DCLK1: variants seen among roughly 807,000 people sequenced by gnomAD.
The protein encoded by DCLK1 is doublecortin like kinase 1.
Under a neutral mutation model 86.2 loss-of-function variants are expected in DCLK1, and 16 were observed. The observed-to-expected ratio is 0.19, with a 90% confidence interval of 0.13 to 0.28. The LOEUF (loss-of-function observed/expected upper bound fraction) is 0.28. Ranked by LOEUF, DCLK1 falls within the 10% of genes least tolerant of loss-of-function variation. The probability of loss-of-function intolerance (pLI) is 1.00; values close to 1 mark genes in which losing one functional copy is unlikely to be tolerated. For synonymous variants in DCLK1, 369 were observed against 370.5 expected (o/e 1.00, Z 0.05); for missense variants, 590 against 940.2 (o/e 0.63, Z 4.87).
intron 4 of DCLK1, among the ~76,000 whole-genome samples, chr13:35,929,851 A>T (rs903835243): frequency 5.0e-5 from 6 of 121,002 alleles, no homozygotes; most frequent in Admixed American, 2.1e-4. Context: ...CACCCACACA[A>T]TCATTTTTTT....
intron 3 of DCLK1, among the ~76,000 whole-genome samples, chr13:36,007,572 G>A (rs1317943958): frequency 6.6e-6 from 1 of 152,112 alleles, no homozygotes; most frequent in Middle Eastern, 3.2e-3. Flanking sequence ...CAACAAACAG[G>A]AAGGCAGATG....
chr13:35,990,764 A>G (rs1004197329), intron 3 of DCLK1, among the ~76,000 whole-genome samples: 1 of 148,770 alleles, frequency 6.7e-6, no homozygotes, highest in African/African-American at 2.5e-5. Context: ...AAATGTTACT[A>G]TTTTTGTTGG....
chr13:36,002,651 G>A (rs1170323822), intron 3 of DCLK1, among the ~76,000 whole-genome samples: 3 of 152,064 alleles, frequency 2.0e-5, no homozygotes, highest in Non-Finnish European at 2.9e-5. Flanking sequence ...AAATATTGAG[G>A]CCAGTAGGAA....
At chr13:35,999,616 G>A (rs1411784638) in intron 3 of DCLK1, among the ~76,000 whole-genome samples, 2 of 152,144 alleles carry the variant, frequency 1.3e-5, no homozygotes, top group East Asian at 1.9e-4. Flanking sequence ...TTCTCCTGAG[G>A]CCTCCGACTT....
chr13:35,919,670 GT>G (rs1197995283), intron 4 of DCLK1, among the ~76,000 whole-genome samples: 1 of 152,046 alleles, frequency 6.6e-6, no homozygotes, highest in Non-Finnish European at 1.5e-5. Flanking sequence ...ACAATTAAAA[GT>G]TTACCTTGGC....
At chr13:35,893,178 C>A (rs1418987) in intron 4 of DCLK1, among the ~76,000 whole-genome samples, 2 of 152,014 alleles carry the variant, frequency 1.3e-5, no homozygotes, top group African/African-American at 4.8e-5. Context: ...AGGTTCTGAA[C>A]TACTGGGTTC....
chr13:35,947,684 C>T (rs964991116), intron 3 of DCLK1, among the ~76,000 whole-genome samples: 1 of 152,188 alleles, frequency 6.6e-6, no homozygotes, highest in African/African-American at 2.4e-5. Context: ...GAACCAGTAA[C>T]TGTCACATTT....
intron 3 of DCLK1, among the ~76,000 whole-genome samples, chr13:35,987,837 T>C (rs554746046): frequency 2.6e-5 from 4 of 152,232 alleles, no homozygotes; most frequent in African/African-American, 9.6e-5. Context: ...AAGCTTACAG[T>C]GTGAAGAGGT....
At chr13:36,067,834 C>G (rs1231540836) in intron 3 of DCLK1, among the ~76,000 whole-genome samples, 2 of 152,148 alleles carry the variant, frequency 1.3e-5, no homozygotes, top group East Asian at 3.9e-4. Context: ...CTGCAACACC[C>G]TCCAAAATCA....
At chr13:36,029,176 T>C (rs1160731675) in intron 3 of DCLK1, among the ~76,000 whole-genome samples, 1 of 152,180 alleles carries the variant, frequency 6.6e-6, no homozygotes, top group Non-Finnish European at 1.5e-5. Context: ...TCGGGACTCT[T>C]TCCGGTAACA....
intron 3 of DCLK1, among the ~76,000 whole-genome samples, chr13:36,031,798 C>T (rs928277946): frequency 1.1e-4 from 17 of 152,144 alleles, no homozygotes; most frequent in Admixed American, 6.5e-5. Context: ...GTCATGTCAG[C>T]GCAGGAGGAA....
chr13:35,809,387 T>C (rs984054020), intron 12 of DCLK1, among the ~76,000 whole-genome samples: 6 of 152,350 alleles, frequency 3.9e-5, no homozygotes, highest in African/African-American at 1.2e-4. Flanking sequence ...AGGTTTATTA[T>C]AGTAATAACA....
chr13:35,865,589 G>A (rs1871729706), intron 5 of DCLK1, among the ~76,000 whole-genome samples: 1 of 152,204 alleles, frequency 6.6e-6, no homozygotes, highest in South Asian at 2.1e-4. Flanking sequence ...CATGTTATCT[G>A]TGAGGCCTTG....
chr13:36,083,670 C>T (rs1884496841), intron 3 of DCLK1, among the ~76,000 whole-genome samples: 1 of 152,114 alleles, frequency 6.6e-6, no homozygotes, highest in Non-Finnish European at 1.5e-5. Context: ...AGGAATTCCT[C>T]CAGGAACAAT....
intron 3 of DCLK1, among the ~76,000 whole-genome samples, chr13:36,036,029 G>T (rs1882474972): frequency 1.3e-5 from 2 of 152,068 alleles, no homozygotes; most frequent in Non-Finnish European, 2.9e-5. Context: ...CCAAATTGAG[G>T]ACTAGCTAAA....
intron 3 of DCLK1, among the ~76,000 whole-genome samples, chr13:36,013,568 G>C (rs1881387363): frequency 6.6e-6 from 1 of 152,170 alleles, no homozygotes; most frequent in Non-Finnish European, 1.5e-5. Context: ...ACCCACTTGA[G>C]GAAGCAGTCT....
chr13:36,126,218 T>TA lies in DCLK1; in HGVS notation c.-19-63_-19-62insT, dbSNP rs1491132340. Reference sequence around the variant, plus strand: ...GATGTAGGTTATATATATATATATATTTTTTTGTTTTTGTTTTTTTTATGT... The same window carrying TA: ...GATGTAGGTTATATATATATATATATATTTTTTGTTTTTGTTTTTTTTATGT... On this transcript the variant is annotated intron_variant, in intron 1 of 16. Coordinates refer to ENST00000360631, the MANE Select transcript of DCLK1 (RefSeq NM_001330071.2). 70 of 1,201,446 alleles carry TA rather than the reference T, an allele frequency of 5.8e-5. No homozygotes were observed. In the African/African-American group the frequency reaches 6.3e-4, roughly 11 times the overall value. The allele number at this position is 1,201,446 out of a possible 1,614,324, so 74.4% of individuals were successfully genotyped here.
intron 5 of DCLK1, among the ~76,000 whole-genome samples, chr13:35,862,572 C>T (rs929625029): frequency 1.3e-5 from 2 of 152,184 alleles, no homozygotes; most frequent in Admixed American, 6.5e-5. Context: ...TCCCCTTTCA[C>T]TTCATAATAC....
intron 3 of DCLK1, among the ~76,000 whole-genome samples, chr13:36,037,906 A>G (rs1281690193): frequency 6.6e-6 from 1 of 152,204 alleles, no homozygotes; most frequent in African/African-American, 2.4e-5. Flanking sequence ...TACTGTAAAA[A>G]AAGAACTTCC....
Sources: gnomAD v4.1 joint callset for allele counts (sites outside exome capture counted in the v4.1 genomes callset) on GRCh38, gnomAD v4.1.1 for gene constraint, MANE v1.5 for transcripts, NCBI Gene and HGNC (gene_info 2026-07-23, HGNC 2026-07-21) for gene names.